The following VEPH1 variants were observed in gnomAD, a reference collection of about 807,000 sequenced individuals.
VEPH1 encodes the protein ventricular zone expressed PH domain containing 1.
A neutral mutation model predicts 85.2 loss-of-function variants in VEPH1; 80 were observed. That is an observed-to-expected ratio of 0.94 (90% CI 0.78 to 1.13). The LOEUF (loss-of-function observed/expected upper bound fraction) is 1.13, where lower values mean the gene tolerates loss of function less well. VEPH1 is among the 50% of genes most tolerant of loss of function. VEPH1 has a pLI of 0.00. For missense variants in VEPH1, 955 were observed against 980.5 expected, an observed-to-expected ratio of 0.97 and a Z score of 0.35; for synonymous variants, 297 against 348.0, an observed-to-expected ratio of 0.85 and a Z score of 1.63.
chr3:157,363,291 C>T, intron 9 of VEPH1, 73 bp downstream of exon 9: 1 of 1,399,602 alleles, frequency 7.1e-7, no homozygotes, highest in Non-Finnish European at 9.5e-7. Context: ...TGCTAATTTA[C>T]CTGATTTGAG....
At chr3:157,384,034 C>A (rs1553775994) in intron 6 of VEPH1, among the ~76,000 whole-genome samples, 2 of 152,122 alleles carry the variant, frequency 1.3e-5, no homozygotes, top group South Asian at 2.1e-4. Context: ...TGCCAGACCC[C>A]CTTCTAGAAG....
At chr3:157,411,398 T>C (rs1731518660) in intron 6 of VEPH1, among the ~76,000 whole-genome samples, 1 of 152,188 alleles carries the variant, frequency 6.6e-6, no homozygotes, top group Non-Finnish European at 1.5e-5. Context: ...AATGGCTTGA[T>C]GGAGGAGGGC....
At chr3:157,368,860 C>T (rs1318087536) in intron 7 of VEPH1, among the ~76,000 whole-genome samples, 1 of 151,872 alleles carries the variant, frequency 6.6e-6, no homozygotes, top group Non-Finnish European at 1.5e-5. Flanking sequence ...TACTTGACTA[C>T]AATTATTATA....
chr3:157,304,038 T>TATATATATATATATATACAC, intron 11 of VEPH1, among the ~76,000 whole-genome samples: 3 of 96,896 alleles, frequency 3.1e-5, no homozygotes, highest in African/African-American at 6.1e-5. Flanking sequence ...TATATATATA[T>TATATATATATATATATACAC]ACACACATAC....
At chr3:157,297,734 A>T (rs1407921178) in intron 11 of VEPH1, among the ~76,000 whole-genome samples, 1 of 152,118 alleles carries the variant, frequency 6.6e-6, no homozygotes, top group Non-Finnish European at 1.5e-5. Context: ...AGTTGTGTAG[A>T]AAGGAGGGAA....
At chr3:157,480,629 A>ACTTTGTTT (rs532903993) in intron 2 of VEPH1, among the ~76,000 whole-genome samples, 141 of 152,260 alleles carry the variant, frequency 9.3e-4, no homozygotes, top group Non-Finnish European at 1.7e-3. Context: ...AAAGGACATG[A>ACTTTGTTT]CTTTGTTTTT....
intron 12 of VEPH1, 96 bp from the exon 13 acceptor site, chr3:157,265,758 T>C (rs1221441954): frequency 7.9e-7 from 1 of 1,271,500 alleles, no homozygotes; most frequent in African/African-American, 1.5e-5. Flanking sequence ...CAGAACCCAG[T>C]TAGCACACCT....
intron 6 of VEPH1, among the ~76,000 whole-genome samples, chr3:157,402,814 T>A (rs1437858217): frequency 1.3e-5 from 2 of 152,192 alleles, no homozygotes; most frequent in African/African-American, 4.8e-5. Context: ...TCAGTGTAAT[T>A]TCTTACATGT....
chr3:157,409,343 G>A lies in VEPH1; in HGVS notation c.906+4538C>T, dbSNP rs537755271. Among the ~76,000 whole-genome samples the A allele has an allele frequency of 4.4e-4, 67 of 152,196 alleles. 1 individual carries two copies. The South Asian group carries it at 0.013, about 29-fold the overall frequency. ...CTTCAACTGAGCATACCAGAGAAAT[G>A]GAGCAAATCCTGGCATTATAAAGAA... On this transcript the variant is annotated intron_variant, in intron 6 of 13. Coordinates refer to ENST00000362010, the MANE Select transcript of VEPH1 (RefSeq NM_001167912.2).
intron 5 of VEPH1, among the ~76,000 whole-genome samples, chr3:157,417,667 G>T (rs2109054754): frequency 6.6e-6 from 1 of 152,220 alleles, no homozygotes; most frequent in East Asian, 1.9e-4. Context: ...CTTGAACACA[G>T]AGAGAAATCT....
At chr3:157,446,482 C>T (rs1734565029) in intron 4 of VEPH1, among the ~76,000 whole-genome samples, 1 of 152,086 alleles carries the variant, frequency 6.6e-6, no homozygotes, top group Non-Finnish European at 1.5e-5. Flanking sequence ...ATTCTACTAC[C>T]AAGCATATAG....
chr3:157,331,006 T>G (rs1722438125), intron 9 of VEPH1, among the ~76,000 whole-genome samples: 1 of 152,212 alleles, frequency 6.6e-6, no homozygotes, highest in South Asian at 2.1e-4. Context: ...TGCTCTCCTA[T>G]CCGGAGATTG....
chr3:157,278,921 G>A (rs1002432468), intron 12 of VEPH1, among the ~76,000 whole-genome samples: 3 of 152,140 alleles, frequency 2.0e-5, no homozygotes, highest in African/African-American at 7.2e-5. Flanking sequence ...AGTGGTGCAT[G>A]CTTGTAATCT....
chr3:157,455,718 C>T (rs1195758353), intron 4 of VEPH1, among the ~76,000 whole-genome samples: 1 of 152,102 alleles, frequency 6.6e-6, no homozygotes, highest in Non-Finnish European at 1.5e-5. Context: ...AGGATAATAG[C>T]CTCTGGCTCC....
chr3:157,364,296 G>C lies in VEPH1; in HGVS notation c.1337+7C>G. 2 of 1,597,554 alleles carry C rather than the reference G, an allele frequency of 1.3e-6. No homozygotes were observed. The highest frequency in any genetic ancestry group is 1.7e-6 in the Non-Finnish European group (2 of 1,168,450). The stretch of plus-strand genomic sequence containing the variant: ...ATGATTTAAAAAACAAACCAAACGA[G>C]TTATACCTGTTAAATCTAATGTTTT... On this transcript the variant is annotated splice_region_variant and intron_variant, in intron 8 of 13. Transcript: ENST00000362010.
chr3:157,481,297 G>C (rs1279756679), intron 2 of VEPH1, among the ~76,000 whole-genome samples: 1 of 151,610 alleles, frequency 6.6e-6, no homozygotes, highest in East Asian at 1.9e-4. Context: ...AGAAGCTCAT[G>C]GATTGGAAGA....
chr3:157,263,906 T>C (rs1713258495), intron 13 of VEPH1, among the ~76,000 whole-genome samples: 1 of 152,232 alleles, frequency 6.6e-6, no homozygotes, highest in African/African-American at 2.4e-5. Flanking sequence ...TTTTCATTAA[T>C]TAATTCAGAC....
At chr3:157,456,823 G>A (rs1227048429) in intron 4 of VEPH1, among the ~76,000 whole-genome samples, 2 of 152,044 alleles carry the variant, frequency 1.3e-5, no homozygotes, top group African/African-American at 2.4e-5. Context: ...CTCCAGGTTT[G>A]TTCTTTTTGC....
At chr3:157,477,727 G>A (rs28690487) in intron 2 of VEPH1, among the ~76,000 whole-genome samples, 35,052 of 152,078 alleles carry the variant, frequency 0.23, 4,380 homozygotes, top group South Asian at 0.35. Flanking sequence ...CAATAGGCAC[G>A]TAAATGGAAT....
Sources: gnomAD v4.1 joint callset for allele counts (sites outside exome capture counted in the v4.1 genomes callset) on GRCh38, gnomAD v4.1.1 for gene constraint, MANE v1.5 for transcripts, NCBI Gene and HGNC (gene_info 2026-07-23, HGNC 2026-07-21) for gene names.